Variants in PCDH11X observed in about 807,000 individuals in gnomAD.
PCDH11X encodes protocadherin-11 X-linked.
A neutral mutation model predicts 53.3 loss-of-function variants in PCDH11X; 18 were observed. The observed-to-expected ratio is 0.34, with a 90% CI of 0.23 to 0.50. The LOEUF (loss-of-function observed/expected upper bound fraction) is 0.50, where lower values mean the gene tolerates loss of function less well. Among genes scored for constraint, PCDH11X ranks in the 20% least tolerant of loss-of-function variants. The probability of loss-of-function intolerance (pLI) is 0.98; values close to 1 mark genes in which losing one functional copy is unlikely to be tolerated. For synonymous variants in PCDH11X, 279 were observed against 393.3 expected, an observed-to-expected ratio of 0.71 and a Z score of 3.44; for missense variants, 570 against 1,032.4, an observed-to-expected ratio of 0.55 and a Z score of 6.14.
rs1175606441 is a variant in PCDH11X, at chrX:92,275,273, G to A, written c.3144+12130G>A. On this transcript the variant is annotated intron_variant, in intron 8 of 10. Coordinates refer to ENST00000682573, the MANE Select transcript of PCDH11X (RefSeq NM_032968.5). ...TGACCGCACTAACCATGCCTAGGAA[G>A]GAAAGGGTTGTTCTTTTGTAAGGGA... Among the ~76,000 whole-genome samples the A allele has an allele frequency of 5.8e-5, 6 of 103,909 alleles. No individual in the cohort carries two copies. In the Admixed American group the frequency reaches 6.3e-4, roughly 11 times the overall value. The allele number at this position is 103,909 out of a possible 115,157, so 90.2% of individuals were successfully genotyped here.
chrX:92,591,727 G>A (rs373834251), intron 10 of PCDH11X, among the ~76,000 whole-genome samples: 3 of 111,388 alleles, frequency 2.7e-5, no homozygotes, highest in Non-Finnish European at 5.7e-5. Flanking sequence ...GAGGACAAGC[G>A]GTCTGAGATG....
intron 6 of PCDH11X, among the ~76,000 whole-genome samples, chrX:91,995,204 T>A (rs1421828099): frequency 3.8e-5 from 4 of 105,211 alleles, no homozygotes; most frequent in Non-Finnish European, 7.7e-5. Flanking sequence ...CCTATCCTTT[T>A]GGTGTCACGT....
At chrX:92,046,860 A>G (rs1820271918) in intron 6 of PCDH11X, among the ~76,000 whole-genome samples, 1 of 104,852 alleles carries the variant, frequency 9.5e-6, no homozygotes. Context: ...GCTCTTCTCA[A>G]ATATAGTTGT....
At chrX:91,969,620 G>A (rs1246887865) in intron 6 of PCDH11X, among the ~76,000 whole-genome samples, 6 of 108,393 alleles carry the variant, frequency 5.5e-5, no homozygotes, top group Non-Finnish European at 7.6e-5. Flanking sequence ...GCAACATAGC[G>A]AGACTCCTTC....
intron 6 of PCDH11X, among the ~76,000 whole-genome samples, chrX:92,173,398 G>A (rs1311413400): frequency 9.0e-6 from 1 of 111,315 alleles, no homozygotes; most frequent in Non-Finnish European, 1.9e-5. Flanking sequence ...TGTTGTTTGA[G>A]GCAATCATTG....
chrX:91,886,628 A>G (rs913918924), intron 6 of PCDH11X, among the ~76,000 whole-genome samples: 3 of 108,522 alleles, frequency 2.8e-5, no homozygotes, highest in Non-Finnish European at 5.7e-5. Context: ...TCTTTCATGT[A>G]TAAGTCTGTT....
intron 6 of PCDH11X, among the ~76,000 whole-genome samples, chrX:92,014,887 G>A (rs1017532547): frequency 2.4e-4 from 27 of 110,496 alleles, no homozygotes; most frequent in Non-Finnish European, 4.3e-4. Flanking sequence ...GCCTGTTGTG[G>A]GGTGGGGGGA....
At chrX:92,359,775 A>G (rs1047940656) in intron 8 of PCDH11X, among the ~76,000 whole-genome samples, 6 of 110,880 alleles carry the variant, frequency 5.4e-5, no homozygotes, top group African/African-American at 2.0e-4. Context: ...AGCATCATAT[A>G]AGATAGAATA....
chrX:91,888,267 A>T (rs1223781275), intron 6 of PCDH11X, among the ~76,000 whole-genome samples: 1 of 112,004 alleles, frequency 8.9e-6, no homozygotes, highest in African/African-American at 3.2e-5. Flanking sequence ...TTTGTACTTT[A>T]TCCCTTATCC....
chrX:92,003,111 T>C (rs1368007935), intron 6 of PCDH11X, among the ~76,000 whole-genome samples: 1 of 104,684 alleles, frequency 9.6e-6, no homozygotes, highest in Non-Finnish European at 2.0e-5. Flanking sequence ...GGATGTTGAA[T>C]TCTATCAAAT....
intron 6 of PCDH11X, among the ~76,000 whole-genome samples, chrX:92,174,301 C>T (rs2065871248): frequency 9.0e-6 from 1 of 110,501 alleles, no homozygotes; most frequent in Non-Finnish European, 1.9e-5. Flanking sequence ...GAAAATATTG[C>T]TGGTTACCTT....
intron 6 of PCDH11X, among the ~76,000 whole-genome samples, chrX:92,139,002 A>T (rs1239094925): frequency 9.2e-6 from 1 of 108,184 alleles, no homozygotes; most frequent in Admixed American, 1.0e-4. Flanking sequence ...AGAATGTTCA[A>T]TCTAGGATGC....
intron 6 of PCDH11X, among the ~76,000 whole-genome samples, chrX:92,101,495 T>C (rs754874914): frequency 0.023 from 2,583 of 111,278 alleles, 73 homozygotes; most frequent in African/African-American, 0.081. Flanking sequence ...GATGGAGGAC[T>C]GTAAGGGATA....
In PCDH11X at chrX:92,620,884, G is replaced by T. The variant is rs1928429681; in HGVS notation, c.*1944G>T. 1 of 108,483 alleles carries T rather than the reference G, an allele frequency of 9.2e-6. No individual in the cohort carries two copies. Among genetic ancestry groups the T allele is most frequent in the African/African-American group, 3.4e-5 (1 of 29,248 alleles). 8.9% of individuals were successfully genotyped at this position (108,483 alleles called of 1,213,427 possible). A position where few individuals can be genotyped will look rare whatever the true frequency, so the allele number is the denominator to read the frequency against. On this transcript the variant is annotated 3_prime_UTR_variant, in exon 11 of 11. Coordinates refer to ENST00000682573, the MANE Select transcript of PCDH11X (RefSeq NM_032968.5). ...TGCATGTGAATCCCGAAGGACTGAT[G>T]ATATTTGAATGTTTATTAAATTATT...
At chrX:92,584,789 C>CTTTTTTTTTTT (rs1171667582) in intron 10 of PCDH11X, among the ~76,000 whole-genome samples, 3 of 65,113 alleles carry the variant, frequency 4.6e-5, no homozygotes, top group African/African-American at 1.4e-4. Context: ...TCTTTTTTTC[C>CTTTTTTTTTTT]TTTTTTTTTT....
chrX:92,312,411 G>A (rs547390884), intron 8 of PCDH11X, among the ~76,000 whole-genome samples: 6 of 109,062 alleles, frequency 5.5e-5, no homozygotes, highest in South Asian at 7.9e-4. Flanking sequence ...GATTTATTTC[G>A]GTGCCACATT....
intron 6 of PCDH11X, among the ~76,000 whole-genome samples, chrX:91,912,149 A>G (rs1941392971): frequency 8.9e-6 from 1 of 111,831 alleles, no homozygotes; most frequent in Non-Finnish European, 1.9e-5. Context: ...GCTTTGCTAA[A>G]TTTATCAGTT....
At chrX:92,141,054 G>T (rs1478410488) in intron 6 of PCDH11X, among the ~76,000 whole-genome samples, 1 of 111,392 alleles carries the variant, frequency 9.0e-6, no homozygotes, top group African/African-American at 3.3e-5. Context: ...TGTATACAAT[G>T]CCACCCTCTA....
chrX:92,218,090 A>G (rs937419377), intron 7 of PCDH11X, among the ~76,000 whole-genome samples: 1 of 111,622 alleles, frequency 9.0e-6, no homozygotes, highest in African/African-American at 3.3e-5. Context: ...CACAAGAGAA[A>G]GCAGGAAAGA....
Sources: allele counts gnomAD v4.1 joint callset (sites outside exome capture counted in the v4.1 genomes callset), GRCh38; gene constraint gnomAD v4.1.1; transcripts MANE v1.5; gene names NCBI Gene and HGNC (gene_info 2026-07-23, HGNC 2026-07-21).